The following POU6F2 variants were observed in gnomAD, a reference collection of about 807,000 sequenced individuals.
The protein encoded by POU6F2 is POU class 6 homeobox 2, also known as POU domain, class 6, transcription factor 2.
In POU6F2, 31 loss-of-function variants were observed where a neutral mutation model predicts 71.3. The observed-to-expected ratio is 0.43, with a 90% confidence interval of 0.33 to 0.59. The LOEUF (loss-of-function observed/expected upper bound fraction) is 0.59. Among genes scored for constraint, POU6F2 ranks in the 20% least tolerant of loss-of-function variants. POU6F2 has a pLI of 0.04. For synonymous variants in POU6F2, 347 were observed against 355.7 expected, an observed-to-expected ratio of 0.98 and a Z score of 0.27; for missense variants, 783 against 856.8, an observed-to-expected ratio of 0.91 and a Z score of 1.07.
At chr7:39,287,869 G>T (rs4345472) in intron 4 of POU6F2, among the ~76,000 whole-genome samples, 70,200 of 151,916 alleles carry the variant, frequency 0.46, 17,181 homozygotes, top group Admixed American at 0.62. Context: ...TGGCCTTGAC[G>T]GTATACGCAG....
intron 7 of POU6F2, among the ~76,000 whole-genome samples, chr7:39,442,939 T>A (rs761053121): frequency 1.3e-5 from 2 of 151,848 alleles, no homozygotes; most frequent in African/African-American, 4.8e-5. Flanking sequence ...AGTTTGGGAG[T>A]AGTACAGTTT....
intron 2 of POU6F2, among the ~76,000 whole-genome samples, chr7:39,134,592 T>A (rs1005999812): frequency 6.6e-6 from 1 of 152,226 alleles, no homozygotes; most frequent in Non-Finnish European, 1.5e-5. Flanking sequence ...TGACTACTTG[T>A]ATCTATAGCT....
At chr7:39,433,038 T>C (rs1788145317) in intron 6 of POU6F2, 39 bp from the exon 7 acceptor site, 1 of 1,607,824 alleles carries the variant, frequency 6.2e-7, no homozygotes, top group Non-Finnish European at 8.5e-7. Flanking sequence ...CACAGACCCT[T>C]CACCGAGCCA....
intron 1 of POU6F2, among the ~76,000 whole-genome samples, chr7:39,007,675 A>C (rs1584493943): frequency 4.0e-5 from 6 of 148,888 alleles, no homozygotes; most frequent in East Asian, 2.0e-4. Flanking sequence ...ATCCCTCCCC[A>C]CTCCCCCAAC....
At chr7:39,145,498 G>A (rs1032206371) in intron 2 of POU6F2, among the ~76,000 whole-genome samples, 41 of 152,326 alleles carry the variant, frequency 2.7e-4, no homozygotes, top group African/African-American at 9.1e-4. Context: ...TGACTGACCT[G>A]CATTGTAACC....
chr7:39,039,433 G>A (rs955982132), intron 1 of POU6F2, among the ~76,000 whole-genome samples: 12 of 151,832 alleles, frequency 7.9e-5, no homozygotes, highest in African/African-American at 2.9e-4. Context: ...TGAAGTACAG[G>A]TGAGCTCCTT....
rs1254652885 is a variant in POU6F2 at position 39,466,522 on chromosome 7, A to G, written c.*1836A>G. The G allele has an allele frequency of 6.6e-6, 1 of 152,260 alleles. No individual in the cohort carries two copies. Among genetic ancestry groups the G allele is most frequent in the East Asian group, 1.9e-4 (1 of 5,204 alleles). The allele number at this position is 152,260 out of a possible 1,614,324, so 9.4% of individuals were successfully genotyped here. On this transcript the variant is annotated 3_prime_UTR_variant, in exon 10 of 10. Coordinates refer to ENST00000518318, the MANE Select transcript of POU6F2 (RefSeq NM_001370959.1). The stretch of plus-strand genomic sequence containing the variant: ...TAATCATGCTAATGTATTATCTAGA[A>G]GTAAGTTGTGAAAGAAAAAAGAGAA...
At chr7:39,397,145 T>C (rs141738713) in intron 5 of POU6F2, among the ~76,000 whole-genome samples, 33 of 151,986 alleles carry the variant, frequency 2.2e-4, no homozygotes, top group Middle Eastern at 3.4e-3. Flanking sequence ...TCGGTGCCAA[T>C]TTTGACCTTT....
intron 8 of POU6F2, among the ~76,000 whole-genome samples, chr7:39,454,081 G>T (rs901402918): frequency 5.9e-5 from 9 of 152,090 alleles, no homozygotes; most frequent in Non-Finnish European, 1.3e-4. Context: ...TCCATAATTT[G>T]CTATGATGGC....
intron 2 of POU6F2, among the ~76,000 whole-genome samples, chr7:39,200,141 A>G (rs1793868011): frequency 6.6e-6 from 1 of 152,214 alleles, no homozygotes; most frequent in African/African-American, 2.4e-5. Flanking sequence ...CACTAGCTGC[A>G]GACCCATCTG....
At chr7:39,290,241 A>G (rs942864592) in intron 4 of POU6F2, among the ~76,000 whole-genome samples, 2 of 152,248 alleles carry the variant, frequency 1.3e-5, no homozygotes, top group African/African-American at 4.8e-5. Flanking sequence ...CCCCAGGGCT[A>G]CTTGTCCCCA....
At chr7:39,453,559 G>A (rs1449185741) in intron 8 of POU6F2, among the ~76,000 whole-genome samples, 1 of 152,194 alleles carries the variant, frequency 6.6e-6, no homozygotes, top group African/African-American at 2.4e-5. Flanking sequence ...TAGTTAACAT[G>A]TGTAAGATGG....
chr7:39,176,027 T>TTTTTC (rs1352683349), intron 2 of POU6F2, among the ~76,000 whole-genome samples: 1 of 152,154 alleles, frequency 6.6e-6, no homozygotes, highest in Non-Finnish European at 1.5e-5. Flanking sequence ...TGTTTTCTCA[T>TTTTTC]TTTTCTTTTT....
At chr7:39,170,043 C>T (rs1961735) in intron 2 of POU6F2, among the ~76,000 whole-genome samples, 39,317 of 151,876 alleles carry the variant, frequency 0.26, 5,553 homozygotes, top group East Asian at 0.62. Context: ...TGGCAGGCAC[C>T]TGTAATCCCA....
At chr7:39,246,528 C>T (rs1253122125) in intron 4 of POU6F2, among the ~76,000 whole-genome samples, 1 of 152,096 alleles carries the variant, frequency 6.6e-6, no homozygotes, top group African/African-American at 2.4e-5. Context: ...AACCCCAGCC[C>T]TCCTTTGACC....
intron 4 of POU6F2, among the ~76,000 whole-genome samples, chr7:39,235,067 T>C (rs528547558): frequency 6.6e-6 from 1 of 152,372 alleles, no homozygotes; most frequent in South Asian, 2.1e-4. Context: ...TGCTAAACTC[T>C]ACACCACCAA....
chr7:39,092,518 T>C (rs956459865), intron 2 of POU6F2, among the ~76,000 whole-genome samples: 3 of 152,230 alleles, frequency 2.0e-5, no homozygotes, highest in Admixed American at 1.3e-4. Context: ...ATATACTTTG[T>C]CATGCTATGA....
intron 4 of POU6F2, among the ~76,000 whole-genome samples, chr7:39,314,456 G>A (rs1300564650): frequency 6.6e-6 from 1 of 152,212 alleles, no homozygotes; most frequent in Non-Finnish European, 1.5e-5. Flanking sequence ...ATTCTAAAAA[G>A]CATTGAGTTG....
At chr7:39,139,597 C>CT (rs1429545292) in intron 2 of POU6F2, among the ~76,000 whole-genome samples, 1 of 152,148 alleles carries the variant, frequency 6.6e-6, no homozygotes, top group Non-Finnish European at 1.5e-5. Context: ...GGAACCAACT[C>CT]CGGCCACGAT....
Sources: gnomAD v4.1 joint callset for allele counts (sites outside exome capture counted in the v4.1 genomes callset) on GRCh38, gnomAD v4.1.1 for gene constraint, MANE v1.5 for transcripts, NCBI Gene and HGNC (gene_info 2026-07-23, HGNC 2026-07-21) for gene names.